The following STAG1 variants were observed in gnomAD, a reference collection of about 807,000 sequenced individuals.
STAG1 encodes the protein STAG1 cohesin complex component.
In STAG1, 26 loss-of-function variants were observed where a neutral mutation model predicts 170.9. That is an observed-to-expected ratio of 0.15 (90% CI 0.11 to 0.21). The LOEUF is 0.21. Ranked by LOEUF, STAG1 falls within the 10% of genes least tolerant of loss-of-function variation. The pLI is 1.00. For missense variants in STAG1, 964 were observed against 1,509.5 expected (o/e 0.64, Z 5.99); for synonymous variants, 514 against 497.7 (o/e 1.03, Z -0.44).
At position 136,484,464 on chromosome 3, in the gene STAG1, A is replaced by G. The variant is rs1322266985; in HGVS notation, c.903-7052T>C. Among the ~76,000 whole-genome samples the G allele has an allele frequency of 6.0e-3, 870 of 145,762 alleles. 6 individuals are homozygous for G. Among genetic ancestry groups the G allele is most frequent in the African/African-American group, 0.022 (847 of 39,392 alleles). ...AGATCTCCAGCTGCGTGCTGGGAGA[A>G]CCACTGCTCTCTTCAAAGCTGTCAG... is the stretch of plus-strand genomic sequence containing the variant. On this transcript the variant is annotated intron_variant, in intron 9 of 33. Transcript: ENST00000383202.
intron 2 of STAG1, among the ~76,000 whole-genome samples, chr3:136,623,931 C>T (rs1939974375): frequency 6.6e-6 from 1 of 151,990 alleles, no homozygotes; most frequent in African/African-American, 2.4e-5. Context: ...GCCTGGGCAA[C>T]AGGGCAATAC....
intron 24 of STAG1, among the ~76,000 whole-genome samples, chr3:136,368,668 T>C (rs964488961): frequency 6.6e-6 from 1 of 152,138 alleles, no homozygotes; most frequent in East Asian, 1.9e-4. Context: ...AGATGGATAA[T>C]ATGAATTATG....
At chr3:136,701,015 G>T (rs1478163609) in intron 1 of STAG1, among the ~76,000 whole-genome samples, 4 of 150,590 alleles carry the variant, frequency 2.7e-5, no homozygotes, top group African/African-American at 9.8e-5. Context: ...CCGAGTAGCT[G>T]GAACAACGGG....
intron 1 of STAG1, among the ~76,000 whole-genome samples, chr3:136,749,557 C>A (rs977481336): frequency 6.6e-6 from 1 of 152,048 alleles, no homozygotes; most frequent in Non-Finnish European, 1.5e-5. Flanking sequence ...ACCATCCTGG[C>A]CAACGTGGTG....
intron 5 of STAG1, among the ~76,000 whole-genome samples, chr3:136,544,512 C>A (rs1936057846): frequency 1.3e-5 from 2 of 151,862 alleles, no homozygotes; most frequent in African/African-American, 4.8e-5. Context: ...CCTATAATAC[C>A]AGCACTTTGG....
intron 3 of STAG1, among the ~76,000 whole-genome samples, chr3:136,607,790 C>T (rs979518996): frequency 6.6e-6 from 1 of 152,244 alleles, no homozygotes. Context: ...GTCCTTATGA[C>T]ATAATCACAT....
intron 1 of STAG1, among the ~76,000 whole-genome samples, chr3:136,747,109 A>T (rs1275665493): frequency 2.8e-5 from 3 of 105,648 alleles, no homozygotes; most frequent in Non-Finnish European, 7.4e-5. Context: ...AAAAAAAAAA[A>T]AAAAAAAAAA....
chr3:136,695,304 G>A (rs1942850874), intron 1 of STAG1, among the ~76,000 whole-genome samples: 1 of 80,484 alleles, frequency 1.2e-5, no homozygotes, highest in African/African-American at 1.3e-4. Flanking sequence ...TATGTGTGGT[G>A]GTGCAGCCTG....
At chr3:136,395,223 A>G (rs2087116639) in intron 22 of STAG1, among the ~76,000 whole-genome samples, 1 of 152,246 alleles carries the variant, frequency 6.6e-6, no homozygotes, top group South Asian at 2.1e-4. Context: ...AAGGCAAGGA[A>G]TTTCAAAATA....
At chr3:136,545,821 G>A (rs754155249) in intron 5 of STAG1, among the ~76,000 whole-genome samples, 2 of 152,128 alleles carry the variant, frequency 1.3e-5, no homozygotes, top group Non-Finnish European at 2.9e-5. Flanking sequence ...CTCCAATGAT[G>A]AGTCTGTCTC....
chr3:136,530,639 A>G (rs1935323483), intron 6 of STAG1, among the ~76,000 whole-genome samples: 1 of 152,202 alleles, frequency 6.6e-6, no homozygotes, highest in African/African-American at 2.4e-5. Context: ...CAAATACATG[A>G]AAATTAAAAA....
chr3:136,340,115 C>A (rs758879834), intron 32 of STAG1, among the ~76,000 whole-genome samples: 1 of 152,202 alleles, frequency 6.6e-6, no homozygotes, highest in Non-Finnish European at 1.5e-5. Context: ...CTCCTCCTCA[C>A]CTCACCCTTC....
chr3:136,564,315 C>T (rs1221103536), intron 5 of STAG1, among the ~76,000 whole-genome samples: 2 of 152,174 alleles, frequency 1.3e-5, no homozygotes, highest in Admixed American at 6.5e-5. Context: ...TTCCTGGATA[C>T]CTTTACAAAA....
rs561708521 is a variant in STAG1 at position 136,551,912 on chromosome 3, T to C, written c.395-9717A>G. On this transcript the variant is annotated intron_variant, in intron 5 of 33. Coordinates refer to ENST00000383202, the MANE Select transcript of STAG1 (RefSeq NM_005862.3). ...GCCTGGCCTACTTGAGAGAAAGACATGAGAGAGAGACACTGAGAGAGAGAG... is the reference window on the plus strand; with the variant it reads ...GCCTGGCCTACTTGAGAGAAAGACACGAGAGAGAGACACTGAGAGAGAGAG... 1.7e-4 allele frequency among the ~76,000 whole-genome samples: 26 copies of C among 150,928 alleles called. No individual in the cohort carries two copies. The South Asian group carries it at 5.2e-3, about 30-fold the overall frequency.
chr3:136,722,295 C>T (rs1379182838), intron 1 of STAG1, among the ~76,000 whole-genome samples: 1 of 152,086 alleles, frequency 6.6e-6, no homozygotes, highest in Non-Finnish European at 1.5e-5. Context: ...TATATCTTTC[C>T]GTTTTTGTCC....
At chr3:136,591,230 A>T (rs868575817) in intron 4 of STAG1, among the ~76,000 whole-genome samples, 2 of 139,470 alleles carry the variant, frequency 1.4e-5, no homozygotes, top group African/African-American at 5.1e-5. Flanking sequence ...AAAAAAAAAA[A>T]AGAAGGGAGG....
At chr3:136,550,601 C>G (rs943378937) in intron 5 of STAG1, among the ~76,000 whole-genome samples, 1 of 152,142 alleles carries the variant, frequency 6.6e-6, no homozygotes, top group Admixed American at 6.5e-5. Context: ...GCCACTGTGC[C>G]TGGCCCAGCT....
intron 23 of STAG1, among the ~76,000 whole-genome samples, chr3:136,373,732 G>A (rs1296573294): frequency 6.6e-6 from 1 of 152,082 alleles, no homozygotes; most frequent in African/African-American, 2.4e-5. Flanking sequence ...TATAATTTCT[G>A]TTCTTTTACA....
At chr3:136,518,867 A>T (rs374639885) in intron 7 of STAG1, among the ~76,000 whole-genome samples, 75 of 152,218 alleles carry the variant, frequency 4.9e-4, no homozygotes, top group Non-Finnish European at 3.2e-4. Context: ...TTTAAAGGTT[A>T]TGATGAACGC....
Sources: allele counts gnomAD v4.1 joint callset (sites outside exome capture counted in the v4.1 genomes callset), GRCh38; gene constraint gnomAD v4.1.1; transcripts MANE v1.5; gene names NCBI Gene and HGNC (gene_info 2026-07-23, HGNC 2026-07-21).